The following TMEM143 variants were observed in gnomAD, a reference collection of about 807,000 sequenced individuals.
The protein encoded by TMEM143 is transmembrane protein 143.
TMEM143 carries 45 observed loss-of-function variants against 40.3 expected under a neutral mutation model. That is an observed-to-expected ratio of 1.12 (90% CI 0.88 to 1.43). The LOEUF is 1.43. TMEM143 is among the 40% of genes most tolerant of loss of function. The pLI, the probability that TMEM143 is intolerant of heterozygous loss-of-function variation, is 0.00. For synonymous variants in TMEM143, 299 were observed against 282.7 expected (o/e 1.06, Z -0.58); for missense variants, 620 against 613.4 (o/e 1.01, Z -0.11).
At position 48,333,068 on chromosome 19, in the gene TMEM143, C is replaced by T; in HGVS notation, c.*151G>A. 1 of 549,054 alleles carries T rather than the reference C, an allele frequency of 1.8e-6. No individual in the cohort carries two copies. Among genetic ancestry groups the T allele is most frequent in the Non-Finnish European group, 2.9e-6 (1 of 347,270 alleles). The allele number at this position is 549,054 out of a possible 1,614,324, so 34.0% of individuals were successfully genotyped here. A position where few individuals can be genotyped will look rare whatever the true frequency, so the allele number is the denominator to read the frequency against. ...AACTGCTAGCTGCTTTGATTGGCTGCTTTGCTTAAGCACACAGTGCAGCAA... is the reference window on the plus strand; with the variant it reads ...AACTGCTAGCTGCTTTGATTGGCTGTTTTGCTTAAGCACACAGTGCAGCAA... On this transcript the variant is annotated 3_prime_UTR_variant, in exon 8 of 8. Transcript: ENST00000293261. This position sits in a 1 kb window ranked among gnomAD's most constrained non-coding sequence, Gnocchi z 4.1.
Position 48,333,085 on chromosome 19 carries a change from G to A in TMEM143, c.*134C>T, listed in dbSNP as rs78164713. ...ATTGGCTGCTTTGCTTAAGCACACA[G>A]TGCAGCAAAAATAATCACCTGTCAG... On this transcript the variant is annotated 3_prime_UTR_variant, in exon 8 of 8. Transcript: ENST00000293261. The surrounding 1 kb of genome is among the most constrained non-coding windows in gnomAD (Gnocchi z 4.1). 3,147 of 707,164 alleles carry A rather than the reference G, an allele frequency of 4.5e-3. 66 individuals carry two copies. The African/African-American group carries it at 0.045, about 10-fold the overall frequency. The allele number at this position is 707,164 out of a possible 1,614,324, so 43.8% of individuals were successfully genotyped here.
At chr19:48,361,472 C>A (rs1225191951) in intron 2 of TMEM143, among the ~76,000 whole-genome samples, 1 of 151,808 alleles carries the variant, frequency 6.6e-6, no homozygotes, top group Non-Finnish European at 1.5e-5. Flanking sequence ...CCTGCATCGA[C>A]TTCCCAAAGT....
intron 2 of TMEM143, among the ~76,000 whole-genome samples, chr19:48,362,567 A>G (rs1162353581): frequency 6.6e-6 from 1 of 152,130 alleles, no homozygotes; most frequent in African/African-American, 2.4e-5. Flanking sequence ...AATCCTCAAA[A>G]TCCTCAATAA....
chr19:48,333,126 G>T lies in TMEM143; in HGVS notation c.*93C>A. The T allele has an allele frequency of 9.8e-7, 1 of 1,019,518 alleles. No homozygotes were observed. Among genetic ancestry groups the T allele is most frequent in the Non-Finnish European group, 1.3e-6 (1 of 750,180 alleles). 63.2% of individuals were successfully genotyped at this position (1,019,518 alleles called of 1,614,324 possible). ...CACCTGTCAGTTATTGGAAGTTGGAGTGAAAAGTATAATAACCGTAATTGA... is the reference window on the plus strand; with the variant it reads ...CACCTGTCAGTTATTGGAAGTTGGATTGAAAAGTATAATAACCGTAATTGA... On this transcript the variant is annotated 3_prime_UTR_variant, in exon 8 of 8. Transcript: ENST00000293261. This position sits in a 1 kb window ranked among gnomAD's most constrained non-coding sequence, Gnocchi z 4.1.
rs551041351 is a variant in TMEM143 at position 48,358,860 on chromosome 19, C to T, written c.369+1212G>A. On this transcript the variant is annotated intron_variant, in intron 3 of 7. Transcript: ENST00000293261. The stretch of plus-strand genomic sequence containing the variant: ...CTCAGAGCCCTCCCATGGCTCCCGG[C>T]TCACTCAGAGTCAAAGCAAGGTCCT... 5.3e-5 allele frequency among the ~76,000 whole-genome samples: 8 copies of T among 152,278 alleles called. No homozygotes were observed. The East Asian group carries it at 1.2e-3, about 22-fold the overall frequency.
At chr19:48,338,932 G>T (rs1969429525) in intron 6 of TMEM143, among the ~76,000 whole-genome samples, 2 of 152,188 alleles carry the variant, frequency 1.3e-5, no homozygotes, top group Non-Finnish European at 2.9e-5. Flanking sequence ...AGAGGAAAGG[G>T]CATTTCAGTC....
intron 5 of TMEM143, 156 bp downstream of exon 5, chr19:48,343,165 T>C: frequency 2.0e-6 from 2 of 975,850 alleles, no homozygotes; most frequent in East Asian, 5.3e-5. Context: ...CACTTTCCCT[T>C]GAGAAGAAAA....
intron 4 of TMEM143, 89 bp downstream of exon 4, chr19:48,345,071 C>T: frequency 7.0e-7 from 1 of 1,425,120 alleles, no homozygotes; most frequent in African/African-American, 1.4e-5. Context: ...AGGCTCAGGA[C>T]TACAACTCCC....
chr19:48,356,429 C>CTTTT (rs34945058), intron 3 of TMEM143, among the ~76,000 whole-genome samples: 4 of 118,512 alleles, frequency 3.4e-5, no homozygotes, highest in Admixed American at 9.4e-5. Flanking sequence ...CCCGGCCCTC[C>CTTTT]TTTTTTTTTT....
chr19:48,339,872 G>T (rs1463199663), intron 6 of TMEM143, among the ~76,000 whole-genome samples: 1 of 152,010 alleles, frequency 6.6e-6, no homozygotes, highest in Non-Finnish European at 1.5e-5. Context: ...GGGATTTCAG[G>T]CATGCGCCAC....
At chr19:48,341,477 C>G (rs2096669594) in intron 6 of TMEM143, among the ~76,000 whole-genome samples, 1 of 152,294 alleles carries the variant, frequency 6.6e-6, no homozygotes, top group Middle Eastern at 3.4e-3. Context: ...GCCAGCTCCC[C>G]CAGTGATAAT....
intron 3 of TMEM143, among the ~76,000 whole-genome samples, chr19:48,356,729 C>G (rs1470307182): frequency 6.6e-6 from 1 of 151,490 alleles, no homozygotes; most frequent in Non-Finnish European, 1.5e-5. Flanking sequence ...TCCCGAGTAG[C>G]TGGGATTACA....
intron 2 of TMEM143, chr19:48,360,575 C>CA (rs66559365): frequency 0.033 from 3,303 of 101,082 alleles, 140 homozygotes; most frequent in African/African-American, 0.1. Context: ...GACTCTGTCT[C>CA]AAAAAAAAAA....
intron 6 of TMEM143, among the ~76,000 whole-genome samples, chr19:48,339,008 A>T (rs1305723599): frequency 6.6e-6 from 1 of 152,176 alleles, no homozygotes; most frequent in Non-Finnish European, 1.5e-5. Context: ...GCAAGCATGC[A>T]GGAGGAGCTG....
At chr19:48,343,583 A>G (rs750434622) in intron 4 of TMEM143, 132 bp from the exon 5 acceptor site, 397 of 1,239,812 alleles carry the variant, frequency 3.2e-4, no homozygotes, top group Non-Finnish European at 4.3e-4. Context: ...CCATCTAGGC[A>G]GGGCTGTCAC....
At chr19:48,356,534 G>T (rs533869483) in intron 3 of TMEM143, among the ~76,000 whole-genome samples, 1 of 149,348 alleles carries the variant, frequency 6.7e-6, no homozygotes, top group East Asian at 2.0e-4. Context: ...GGGTTCAAGC[G>T]ATCTCCTGCC....
chr19:48,340,645 G>A (rs1321868316), intron 6 of TMEM143, among the ~76,000 whole-genome samples: 1 of 152,128 alleles, frequency 6.6e-6, no homozygotes, highest in East Asian at 1.9e-4. Flanking sequence ...TGAGGCAATA[G>A]TCACCGTGGG....
At chr19:48,362,790 G>C (rs1282261322) in intron 2 of TMEM143, among the ~76,000 whole-genome samples, 2 of 151,950 alleles carry the variant, frequency 1.3e-5, no homozygotes, top group Admixed American at 6.6e-5. Flanking sequence ...TGTGGCCTTG[G>C]GTAAGTCACT....
In TMEM143 at chr19:48,360,123, G is replaced by C. The variant is rs756288248; in HGVS notation, c.318C>G (p.His106Gln). 6.2e-7 allele frequency: 1 copy of C among 1,614,178 alleles called. No individual in the cohort carries two copies. Among genetic ancestry groups the C allele is most frequent in the Non-Finnish European group, 8.5e-7 (1 of 1,180,028 alleles). The stretch of plus-strand genomic sequence containing the variant: ...AGTGGAACAGGGTGCAGAAGTCCAC[G>C]TGGGCCGAGAACGCCTCCAAAGCCG... Reference protein sequence around the residue: ...EKAALEAFSAHVDFCTLFHYH... With the variant: ...EKAALEAFSAQVDFCTLFHYH... The change falls in exon 3 of 8, where the codon CAC becomes CAG. Residue 106 changes from histidine (H) to glutamine (Q), a missense_variant. Transcript: ENST00000293261.
Sources: allele counts gnomAD v4.1 joint callset (sites outside exome capture counted in the v4.1 genomes callset), GRCh38; gene constraint gnomAD v4.1.1; non-coding constraint Gnocchi (gnomAD v3.1); transcripts MANE v1.5; gene names NCBI Gene and HGNC (gene_info 2026-07-23, HGNC 2026-07-21).